Variants in TMEM132D observed in about 807,000 individuals in gnomAD.
TMEM132D encodes the protein transmembrane protein 132D.
Under a neutral mutation model 62.3 loss-of-function variants are expected in TMEM132D, and 21 were observed. That is an observed-to-expected ratio of 0.34 (90% CI 0.24 to 0.49). The LOEUF (loss-of-function observed/expected upper bound fraction) is 0.49. Among genes scored for constraint, TMEM132D ranks in the 20% least tolerant of loss-of-function variants. The pLI, the probability that TMEM132D is intolerant of heterozygous loss-of-function variation, is 0.99. For missense variants in TMEM132D, 1,346 were observed against 1,402.8 expected (o/e 0.96, Z 0.65); for synonymous variants, 621 against 575.6 (o/e 1.08, Z -1.13).
chr12:129,284,394 CT>C (rs1283393610), intron 4 of TMEM132D, among the ~76,000 whole-genome samples: 3 of 152,244 alleles, frequency 2.0e-5, no homozygotes, highest in African/African-American at 7.2e-5. Context: ...TTTTAAGGCA[CT>C]CAGTAATATT....
intron 2 of TMEM132D, among the ~76,000 whole-genome samples, chr12:129,595,619 T>C (rs1878315099): frequency 6.6e-6 from 1 of 152,224 alleles, no homozygotes; most frequent in Non-Finnish European, 1.5e-5. Flanking sequence ...TCTAAGCTGG[T>C]TCCCAAGCAG....
chr12:129,262,806 A>C (rs1264905557), intron 4 of TMEM132D: 2 of 152,294 alleles, frequency 1.3e-5, no homozygotes, highest in African/African-American at 4.8e-5. Context: ...AGTCTATGCA[A>C]GAGGTGCTCA....
At chr12:129,698,017 G>A (rs897382853) in intron 2 of TMEM132D, among the ~76,000 whole-genome samples, 16 of 152,084 alleles carry the variant, frequency 1.1e-4, no homozygotes, top group Non-Finnish European at 8.8e-5. Flanking sequence ...AGTCGTTGGC[G>A]GACCTAAAAA....
chr12:129,353,258 C>A (rs1182130370), intron 3 of TMEM132D, among the ~76,000 whole-genome samples: 2 of 152,062 alleles, frequency 1.3e-5, no homozygotes, highest in Non-Finnish European at 2.9e-5. Flanking sequence ...TAAACAATAG[C>A]ATTAGAGGTG....
intron 6 of TMEM132D, 67 bp from the exon 7 acceptor site, chr12:129,082,099 A>T (rs2135617101): frequency 6.5e-7 from 1 of 1,530,022 alleles, no homozygotes; most frequent in Non-Finnish European, 8.8e-7. Flanking sequence ...CCGTGTGTGG[A>T]GCCTGGTGGG....
chr12:129,213,739 C>T (rs1324766518), intron 4 of TMEM132D, among the ~76,000 whole-genome samples: 1 of 152,162 alleles, frequency 6.6e-6, no homozygotes, highest in Non-Finnish European at 1.5e-5. Context: ...CCATCACTGC[C>T]CCACGCCCAC....
intron 1 of TMEM132D, among the ~76,000 whole-genome samples, chr12:129,865,879 G>C (rs565823621): frequency 6.6e-6 from 1 of 152,312 alleles, no homozygotes; most frequent in African/African-American, 2.4e-5. Context: ...AAGAAGCCTG[G>C]ATTTGAACCA....
chr12:129,310,861 AACAG>A (rs1881955914), intron 4 of TMEM132D, among the ~76,000 whole-genome samples: 1 of 152,156 alleles, frequency 6.6e-6, no homozygotes, highest in African/African-American at 2.4e-5. Context: ...CGTTGTCCCG[AACAG>A]ACAGATGGAA....
chr12:129,534,440 T>C (rs1411469460), intron 2 of TMEM132D, among the ~76,000 whole-genome samples: 1 of 147,596 alleles, frequency 6.8e-6, no homozygotes, highest in African/African-American at 2.5e-5. Flanking sequence ...TATAAAAATA[T>C]ATAAATGCAA....
chr12:129,871,325 A>G (rs1874234423), intron 1 of TMEM132D, among the ~76,000 whole-genome samples: 1 of 152,112 alleles, frequency 6.6e-6, no homozygotes, highest in Non-Finnish European at 1.5e-5. Context: ...TCTTGATATC[A>G]TGAGGGCAAG....
rs760834602 is a variant in TMEM132D, at chr12:129,337,867, G to T, written c.1116-50C>A. On this transcript the variant is annotated intron_variant, in intron 3 of 8. Transcript: ENST00000422113. ...CAGCTTTCAGGGACTGATGAGGTAT[G>T]GCACGCTTGGCAGAGAGTGGGCGGC... The T allele has an allele frequency of 7.2e-6, 11 of 1,529,640 alleles. No individual in the cohort carries two copies. The African/African-American group carries it at 1.4e-4, about 19-fold the overall frequency. 94.8% of individuals were successfully genotyped at this position (1,529,640 alleles called of 1,614,324 possible).
intron 4 of TMEM132D, among the ~76,000 whole-genome samples, chr12:129,215,334 G>A (rs1879172205): frequency 6.6e-6 from 1 of 152,178 alleles, no homozygotes; most frequent in Admixed American, 6.5e-5. Context: ...ATGTGAGGGT[G>A]GAGGTTGGGA....
At chr12:129,502,454 G>A (rs1566090146) in intron 3 of TMEM132D, among the ~76,000 whole-genome samples, 1 of 152,124 alleles carries the variant, frequency 6.6e-6, no homozygotes, top group Non-Finnish European at 1.5e-5. Context: ...CAGAAGCCCA[G>A]CGTCAACCAG....
At chr12:129,710,977 C>G (rs1431077504) in intron 1 of TMEM132D, among the ~76,000 whole-genome samples, 1 of 152,188 alleles carries the variant, frequency 6.6e-6, no homozygotes, top group East Asian at 1.9e-4. Flanking sequence ...CGCTGCCTCT[C>G]CCCTACCCAC....
intron 4 of TMEM132D, among the ~76,000 whole-genome samples, chr12:129,264,275 C>G (rs7294368): frequency 0.99 from 151,449 of 152,324 alleles, 75,294 homozygotes; most frequent in Middle Eastern, 1. Context: ...TGTAGTCCCA[C>G]CCACTTGGGA....
chr12:129,175,218 T>TAA (rs10623704), intron 5 of TMEM132D, among the ~76,000 whole-genome samples: 75,017 of 151,756 alleles, frequency 0.49, 18,582 homozygotes, highest in East Asian at 0.61. Flanking sequence ...GTTTTACATT[T>TAA]GTCTTTAATC....
Position 129,074,239 on chromosome 12 carries a change from TTGA to T in TMEM132D, c.2933_2935del (p.Ile978del), listed in dbSNP as rs771741034. On this transcript the variant is annotated inframe_deletion, in exon 9 of 9. Coordinates refer to ENST00000422113, the MANE Select transcript of TMEM132D (RefSeq NM_133448.3). ...TTGCTCATCTTGCGAGGAGGCAAAG[TTGA>T]TGTGATTCTCCAACAGCTCTGTCCG... is the stretch of plus-strand genomic sequence containing the variant. The T allele has an allele frequency of 4.2e-5, 67 of 1,613,996 alleles. No homozygotes were observed. In the African/African-American group the frequency reaches 8.4e-4, roughly 20 times the overall value.
chr12:129,598,354 C>G (rs1041878906), intron 2 of TMEM132D, among the ~76,000 whole-genome samples: 2 of 152,136 alleles, frequency 1.3e-5, no homozygotes, highest in African/African-American at 4.8e-5. Flanking sequence ...ATAAACACAC[C>G]AAGCTTATCT....
intron 3 of TMEM132D, among the ~76,000 whole-genome samples, chr12:129,343,110 T>A (rs1480883005): frequency 6.6e-6 from 1 of 152,186 alleles, no homozygotes; most frequent in East Asian, 1.9e-4. Flanking sequence ...CATGCTGCTA[T>A]AAAGACACAT....
Sources: allele counts gnomAD v4.1 joint callset (sites outside exome capture counted in the v4.1 genomes callset), GRCh38; gene constraint gnomAD v4.1.1; transcripts MANE v1.5; gene names NCBI Gene and HGNC (gene_info 2026-07-23, HGNC 2026-07-21).